CDH13: variants seen among roughly 807,000 people sequenced by gnomAD.
The protein encoded by CDH13 is cadherin 13.
Under a neutral mutation model 63.8 loss-of-function variants are expected in CDH13, and 24 were observed. The observed-to-expected ratio is 0.38, with a 90% CI of 0.27 to 0.53. The LOEUF (loss-of-function observed/expected upper bound fraction) is 0.53. Ranked by LOEUF, CDH13 falls within the 20% of genes least tolerant of loss-of-function variation. CDH13 has a pLI of 0.85. For synonymous variants in CDH13, 503 were observed against 355.3 expected (o/e 1.42, Z -4.67); for missense variants, 1,049 against 903.1 (o/e 1.16, Z -2.07).
chr16:83,102,046 G>C (rs2034504311), intron 3 of CDH13, among the ~76,000 whole-genome samples: 1 of 152,198 alleles, frequency 6.6e-6, no homozygotes, highest in Non-Finnish European at 1.5e-5. Context: ...CCTTATGAGA[G>C]GGAGGTAATG....
chr16:82,992,919 G>T (rs1776498415), intron 2 of CDH13, among the ~76,000 whole-genome samples: 1 of 152,182 alleles, frequency 6.6e-6, no homozygotes, highest in South Asian at 2.1e-4. Context: ...GCTCAGGCTT[G>T]CAGGTTTAAT....
At chr16:83,394,716 A>G (rs2091852422) in intron 6 of CDH13, among the ~76,000 whole-genome samples, 1 of 152,190 alleles carries the variant, frequency 6.6e-6, no homozygotes, top group Non-Finnish European at 1.5e-5. Flanking sequence ...GCAGCCATTG[A>G]GGAGGGTGGG....
chr16:83,789,316 A>C (rs1043550698), intron 13 of CDH13, among the ~76,000 whole-genome samples: 2 of 151,844 alleles, frequency 1.3e-5, no homozygotes, highest in African/African-American at 2.4e-5. Flanking sequence ...GATTTCAAAA[A>C]ACACTGAAAT....
At chr16:83,080,886 T>TGTTTTTG (rs1248494976) in intron 3 of CDH13, among the ~76,000 whole-genome samples, 4 of 117,406 alleles carry the variant, frequency 3.4e-5, no homozygotes, top group African/African-American at 1.5e-4. Flanking sequence ...TTTTTTTTTT[T>TGTTTTTG]TTTTTTTTTT....
At chr16:83,070,162 C>A (rs1464727150) in intron 3 of CDH13, among the ~76,000 whole-genome samples, 1 of 152,160 alleles carries the variant, frequency 6.6e-6, no homozygotes, top group Non-Finnish European at 1.5e-5. Flanking sequence ...AGCAACAAAT[C>A]TCAGCTTTCT....
chr16:83,012,339 G>T (rs1326601197), intron 2 of CDH13, among the ~76,000 whole-genome samples: 38 of 70,664 alleles, frequency 5.4e-4, no homozygotes, highest in African/African-American at 2.0e-3. Flanking sequence ...TTTTTTTTTG[G>T]CCCCTTTGCT....
At chr16:82,989,778 G>C (rs1170752249) in intron 2 of CDH13, among the ~76,000 whole-genome samples, 1 of 152,214 alleles carries the variant, frequency 6.6e-6, no homozygotes, top group Admixed American at 6.5e-5. Context: ...GTCCTGGCCA[G>C]TGACTCTTTA....
intron 1 of CDH13, among the ~76,000 whole-genome samples, chr16:82,679,086 G>A (rs762397635): frequency 5.9e-5 from 9 of 152,284 alleles, no homozygotes; most frequent in South Asian, 2.1e-4. Flanking sequence ...TCTAGGACAC[G>A]GTTCCCATTA....
intron 1 of CDH13, among the ~76,000 whole-genome samples, chr16:82,716,198 G>A (rs975311797): frequency 2.0e-5 from 3 of 152,136 alleles, no homozygotes; most frequent in African/African-American, 7.2e-5. Context: ...TCCCTCTTGG[G>A]TTCAGGCATG....
chr16:83,394,180 T>C (rs556022193), intron 6 of CDH13, among the ~76,000 whole-genome samples: 1 of 151,292 alleles, frequency 6.6e-6, no homozygotes, highest in East Asian at 2.0e-4. Flanking sequence ...AATCTGTACA[T>C]GAAACCCCCA....
chr16:83,483,935 CAG>C (rs1473432778), intron 6 of CDH13, among the ~76,000 whole-genome samples: 2 of 152,134 alleles, frequency 1.3e-5, no homozygotes, highest in Non-Finnish European at 2.9e-5. Flanking sequence ...CTTCCAGAGA[CAG>C]GGGGGCTGCA....
chr16:83,507,263 C>T (rs146194155), intron 7 of CDH13, among the ~76,000 whole-genome samples: 2 of 152,202 alleles, frequency 1.3e-5, no homozygotes, highest in Non-Finnish European at 1.5e-5. Flanking sequence ...TCTCTCTCCT[C>T]TGTCGATTCT....
At chr16:82,789,603 G>T (rs55844042) in intron 1 of CDH13, among the ~76,000 whole-genome samples, 10 of 152,210 alleles carry the variant, frequency 6.6e-5, no homozygotes, top group South Asian at 2.1e-4. Context: ...CAAATGGGAG[G>T]TCCATTGGGC....
chr16:83,409,500 T>G (rs1421824412), intron 6 of CDH13, among the ~76,000 whole-genome samples: 1 of 152,222 alleles, frequency 6.6e-6, no homozygotes, highest in Non-Finnish European at 1.5e-5. Flanking sequence ...TTGGGACATG[T>G]AGAGTTCAAG....
chr16:83,446,440 C>T (rs774997457), intron 6 of CDH13, among the ~76,000 whole-genome samples: 68 of 152,250 alleles, frequency 4.5e-4, no homozygotes, highest in Non-Finnish European at 9.0e-4. Flanking sequence ...CGGTTTCCAC[C>T]ACTCAGTGTT....
chr16:83,486,429 G>C (rs375640649), intron 6 of CDH13, 48 bp from the exon 7 acceptor site: 7 of 1,559,554 alleles, frequency 4.5e-6, no homozygotes, highest in African/African-American at 1.3e-5. Context: ...TCTGGCCGTT[G>C]TTGACCCATT....
At chr16:82,782,860 C>A (rs938260586) in intron 1 of CDH13, among the ~76,000 whole-genome samples, 12 of 152,128 alleles carry the variant, frequency 7.9e-5, no homozygotes, top group African/African-American at 2.9e-4. Context: ...TGCGCAGGGG[C>A]CTGGGCGAGG....
At chr16:83,015,202 T>C (rs10871443) in intron 2 of CDH13, among the ~76,000 whole-genome samples, 113,170 of 151,586 alleles carry the variant, frequency 0.75, 42,372 homozygotes, top group East Asian at 0.91. Context: ...CTGCATCTCC[T>C]ATTTCACTTC....
intron 8 of CDH13, among the ~76,000 whole-genome samples, chr16:83,605,369 T>A (rs911627542): frequency 1.3e-5 from 2 of 152,232 alleles, no homozygotes; most frequent in African/African-American, 4.8e-5. Flanking sequence ...CTGATGTTCT[T>A]TGTTGAAGGG....
Sources: allele counts gnomAD v4.1 joint callset (sites outside exome capture counted in the v4.1 genomes callset), GRCh38; gene constraint gnomAD v4.1.1; transcripts MANE v1.5; gene names NCBI Gene and HGNC (gene_info 2026-07-23, HGNC 2026-07-21).